Variants in ETS1 observed in about 807,000 individuals in gnomAD.
ETS1 encodes the protein ETS proto-oncogene 1, transcription factor.
In ETS1, 15 loss-of-function variants were observed where a neutral mutation model predicts 58.6. The observed-to-expected ratio is 0.26, with a 90% CI of 0.17 to 0.39. The LOEUF (loss-of-function observed/expected upper bound fraction) is 0.39. Ranked by LOEUF, ETS1 falls within the 10% of genes least tolerant of loss-of-function variation. The probability of loss-of-function intolerance (pLI) is 1.00; values close to 1 mark genes in which losing one functional copy is unlikely to be tolerated. For missense variants in ETS1, 417 were observed against 610.5 expected (o/e 0.68, Z 3.34); for synonymous variants, 214 against 218.2 (o/e 0.98, Z 0.17).
chr11:128,536,962 T>G (rs867422396), intron 3 of ETS1, among the ~76,000 whole-genome samples: 2 of 152,134 alleles, frequency 1.3e-5, no homozygotes, highest in African/African-American at 4.8e-5. Flanking sequence ...GCATGAAAGA[T>G]CACAAAATAA....
Position 128,573,123 on chromosome 11 carries a change from T to A in ETS1, c.8A>T (p.Tyr3Phe). 3 of 1,590,410 alleles carry A rather than the reference T, an allele frequency of 1.9e-6. No individual in the cohort carries two copies. In the South Asian group the frequency reaches 3.5e-5, roughly 18 times the overall value. ...GCTGCTCCCAGCAGAATCCACAAAG[T>A]AGCTCATTCTGCTCTCAGCACCTGT... MS[Y>F]FVDSAGSSPV... Residue 3 changes from tyrosine to phenylalanine, a missense_variant, in exon 2 of 10, where the codon TAC (tyrosine) becomes TTC (phenylalanine). Physicochemically the swap from Tyr to Phe is conservative, Grantham distance 22. This residue lies in a region of ETS1 where 90 missense variants were observed against 90.3 expected (regional missense o/e 1.00). Coordinates refer to ENST00000392668, the MANE Select transcript of ETS1 (RefSeq NM_001143820.2).
intron 3 of ETS1, among the ~76,000 whole-genome samples, chr11:128,529,369 A>G (rs1250260523): frequency 6.6e-6 from 1 of 152,188 alleles, no homozygotes; most frequent in Non-Finnish European, 1.5e-5. Flanking sequence ...CTGAGAGTGA[A>G]GATGGGAATG....
At chr11:128,499,697 A>G (rs995102048) in intron 3 of ETS1, among the ~76,000 whole-genome samples, 3 of 152,148 alleles carry the variant, frequency 2.0e-5, no homozygotes, top group African/African-American at 7.2e-5. Context: ...AAGAACCTCA[A>G]TCCCCGAGAC....
rs977686888 is a variant in ETS1, at chr11:128,549,452, A to G, written c.214+6839T>C. Among the ~76,000 whole-genome samples the G allele has an allele frequency of 9.2e-5, 14 of 152,222 alleles. No individual in the cohort carries two copies. The highest frequency in any genetic ancestry group is 2.9e-4 in the African/African-American group (12 of 41,454). ...AGAGGGGTCAAACTGCTTGAATCGC[A>G]TAAGAACCCGGTGCCCCAGGGACCT... On this transcript the variant is annotated intron_variant, in intron 3 of 9. Transcript: ENST00000392668. The surrounding 1 kb of genome is among the most constrained non-coding windows in gnomAD (Gnocchi z 4.3).
chr11:128,543,596 C>T (rs1864087813), intron 3 of ETS1, among the ~76,000 whole-genome samples: 1 of 152,222 alleles, frequency 6.6e-6, no homozygotes, highest in African/African-American at 2.4e-5. Context: ...GTCTCTCTCA[C>T]TGCAGCAGAA....
At chr11:128,557,906 A>G (rs1484654154) in intron 2 of ETS1, among the ~76,000 whole-genome samples, 1 of 152,250 alleles carries the variant, frequency 6.6e-6, no homozygotes, top group East Asian at 1.9e-4. Flanking sequence ...CAGTACTACT[A>G]TGTTAGATTC....
At position 128,463,652 on chromosome 11, in the gene ETS1, C is replaced by A; in HGVS notation, c.1124-25G>T. Reference sequence around the variant, plus strand: ...CCTAGAAACACAAGCCATTGTGAATCATTACACCAGATATTCAGCACTCTA... The same window carrying A: ...CCTAGAAACACAAGCCATTGTGAATAATTACACCAGATATTCAGCACTCTA... On this transcript the variant is annotated intron_variant, in intron 8 of 9. Transcript: ENST00000392668. This position sits in a 1 kb window ranked among gnomAD's most constrained non-coding sequence, Gnocchi z 4.1. 1 of 1,275,662 alleles carries A rather than the reference C, an allele frequency of 7.8e-7. No individual in the cohort carries two copies. Among genetic ancestry groups the A allele is most frequent in the South Asian group, 1.2e-5 (1 of 84,344 alleles). The allele number at this position is 1,275,662 out of a possible 1,614,324, so 79.0% of individuals were successfully genotyped here. A position where few individuals can be genotyped will look rare whatever the true frequency, so the allele number is the denominator to read the frequency against.
intron 3 of ETS1, among the ~76,000 whole-genome samples, chr11:128,515,217 C>T (rs1302482329): frequency 4.6e-5 from 7 of 151,748 alleles, no homozygotes; most frequent in East Asian, 3.9e-4. Flanking sequence ...AATGAAGACA[C>T]GTCCCTCTAC....
intron 3 of ETS1, among the ~76,000 whole-genome samples, chr11:128,516,702 A>G (rs932545023): frequency 4.6e-5 from 7 of 152,218 alleles, no homozygotes; most frequent in African/African-American, 1.7e-4. Flanking sequence ...GCCCTGACAC[A>G]TGGAATGGAC....
intron 3 of ETS1, among the ~76,000 whole-genome samples, chr11:128,511,778 T>C (rs1863399055): frequency 6.6e-6 from 1 of 152,226 alleles, no homozygotes; most frequent in Non-Finnish European, 1.5e-5. Context: ...TTAAAATCCA[T>C]GTGGCTGAAC....
At chr11:128,474,808 A>G (rs113517391) in intron 8 of ETS1, among the ~76,000 whole-genome samples, 9 of 152,348 alleles carry the variant, frequency 5.9e-5, no homozygotes, top group African/African-American at 1.9e-4. Context: ...ACAGCCTCTG[A>G]GCAAGAAAGG....
chr11:128,497,569 T>C (rs1862975440), intron 3 of ETS1: 1 of 984,320 alleles, frequency 1.0e-6, no homozygotes, highest in Non-Finnish European at 1.2e-6. Flanking sequence ...ATTTGGTGAC[T>C]CACCAGGCTC....
At chr11:128,489,221 G>C in intron 5 of ETS1, 69 bp downstream of exon 5, 1 of 1,379,610 alleles carries the variant, frequency 7.2e-7, no homozygotes, top group Non-Finnish European at 1.0e-6. Flanking sequence ...CCACCATTGG[G>C]TGAGCCCCCT....
intron 1 of ETS1, among the ~76,000 whole-genome samples, chr11:128,577,099 G>A (rs1307325313): frequency 6.6e-6 from 1 of 152,192 alleles, no homozygotes. Flanking sequence ...ACTTAAGACA[G>A]ACCATGGGGC....
intron 7 of ETS1, 87 bp downstream of exon 7, chr11:128,484,736 G>GAA: frequency 1.5e-5 from 18 of 1,175,014 alleles, no homozygotes; most frequent in Admixed American, 2.4e-5. Flanking sequence ...TAATAAATAA[G>GAA]AAAAAAAAAA....
chr11:128,503,758 A>G (rs1863151960), intron 3 of ETS1, among the ~76,000 whole-genome samples: 1 of 152,208 alleles, frequency 6.6e-6, no homozygotes, highest in Non-Finnish European at 1.5e-5. Flanking sequence ...CAAGAGCCAC[A>G]TGGGAACCAC....
At chr11:128,490,339 A>G in intron 4 of ETS1, 118 bp downstream of exon 4, 2 of 1,038,422 alleles carry the variant, frequency 1.9e-6, no homozygotes. Context: ...GCCATGGCCC[A>G]TAGCTGCTGA....
chr11:128,523,525 C>T (rs147970577), intron 3 of ETS1, among the ~76,000 whole-genome samples: 25 of 152,358 alleles, frequency 1.6e-4, no homozygotes, highest in Non-Finnish European at 2.5e-4. Flanking sequence ...CACATTTGAA[C>T]TCCCAGCATT....
At chr11:128,519,177 A>G (rs1216728090) in intron 3 of ETS1, among the ~76,000 whole-genome samples, 1 of 152,222 alleles carries the variant, frequency 6.6e-6, no homozygotes, top group Non-Finnish European at 1.5e-5. Context: ...GTTATTTCAG[A>G]GTATATGTTA....
Sources: gnomAD v4.1 joint callset for allele counts (sites outside exome capture counted in the v4.1 genomes callset) on GRCh38, gnomAD v4.1.1 for gene constraint, gnomAD v4.1.1 regional missense constraint, Gnocchi (gnomAD v3.1) non-coding constraint, MANE v1.5 for transcripts, NCBI Gene and HGNC (gene_info 2026-07-23, HGNC 2026-07-21) for gene names.